Variants in PTPRD observed in about 807,000 individuals in gnomAD.
PTPRD encodes protein tyrosine phosphatase receptor type D.
A neutral mutation model predicts 214.5 loss-of-function variants in PTPRD; 34 were observed. The observed-to-expected ratio is 0.16, with a 90% CI of 0.12 to 0.21. The LOEUF (loss-of-function observed/expected upper bound fraction) is 0.21, where lower values mean the gene tolerates loss of function less well. Ranked by LOEUF, PTPRD falls within the 10% of genes least tolerant of loss-of-function variation. The probability of loss-of-function intolerance (pLI) is 1.00; values close to 1 mark genes in which losing one functional copy is unlikely to be tolerated. For synonymous variants in PTPRD, 1,128 were observed against 845.7 expected, an observed-to-expected ratio of 1.33 and a Z score of -5.79; for missense variants, 2,545 against 2,398.7, an observed-to-expected ratio of 1.06 and a Z score of -1.27.
At chr9:9,727,081 G>A (rs1213412955) in intron 7 of PTPRD, among the ~76,000 whole-genome samples, 3 of 152,160 alleles carry the variant, frequency 2.0e-5, no homozygotes, top group Non-Finnish European at 2.9e-5. Context: ...TACAGCAAAT[G>A]TGTGCTTAAT....
intron 2 of PTPRD, among the ~76,000 whole-genome samples, chr9:10,477,751 C>G (rs1335846292): frequency 6.6e-6 from 1 of 152,044 alleles, no homozygotes; most frequent in Non-Finnish European, 1.5e-5. Context: ...CAGTGATACA[C>G]TGGATAAAGA....
intron 11 of PTPRD, among the ~76,000 whole-genome samples, chr9:8,989,345 T>A (rs553537685): frequency 6.6e-6 from 1 of 152,098 alleles, no homozygotes; most frequent in Non-Finnish European, 1.5e-5. Flanking sequence ...CTTAACCAAT[T>A]TCTCTTCATT....
chr9:9,482,869 T>C (rs372412207), intron 8 of PTPRD, among the ~76,000 whole-genome samples: 2 of 152,192 alleles, frequency 1.3e-5, no homozygotes, highest in South Asian at 2.1e-4. Flanking sequence ...AAGTAATTGC[T>C]AAAGTTCTAG....
intron 2 of PTPRD, among the ~76,000 whole-genome samples, chr9:10,589,120 T>G (rs185555172): frequency 6.6e-6 from 1 of 152,010 alleles, no homozygotes; most frequent in Non-Finnish European, 1.5e-5. Flanking sequence ...TAGCTGTAGG[T>G]AAAGTTGAAA....
intron 9 of PTPRD, among the ~76,000 whole-genome samples, chr9:9,375,693 GA>G (rs1484660887): frequency 6.6e-6 from 1 of 152,074 alleles, no homozygotes; most frequent in Non-Finnish European, 1.5e-5. Flanking sequence ...AAATAAGTCA[GA>G]AAACAAAGAA....
At chr9:8,679,464 T>C (rs1371276107) in intron 12 of PTPRD, among the ~76,000 whole-genome samples, 1 of 152,202 alleles carries the variant, frequency 6.6e-6, no homozygotes, top group African/African-American at 2.4e-5. Context: ...CAGCAAAAGT[T>C]TCCTTTCACC....
At chr9:9,802,546 G>T (rs1019730208) in intron 5 of PTPRD, among the ~76,000 whole-genome samples, 4 of 151,776 alleles carry the variant, frequency 2.6e-5, no homozygotes, top group African/African-American at 7.3e-5. Context: ...TGGCTCTATA[G>T]ACTAGGGAAC....
At chr9:9,812,153 A>C (rs2047346115) in intron 5 of PTPRD, among the ~76,000 whole-genome samples, 1 of 152,072 alleles carries the variant, frequency 6.6e-6, no homozygotes, top group Non-Finnish European at 1.5e-5. Context: ...TTTTAGACAT[A>C]TGCTATTTCA....
chr9:9,327,093 A>G (rs1013907522), intron 9 of PTPRD, among the ~76,000 whole-genome samples: 2 of 152,186 alleles, frequency 1.3e-5, no homozygotes, highest in African/African-American at 4.8e-5. Context: ...GTTTAGCAAG[A>G]ACAATCATAT....
chr9:10,209,566 C>A (rs1462364152), intron 3 of PTPRD, among the ~76,000 whole-genome samples: 2 of 152,032 alleles, frequency 1.3e-5, no homozygotes. Context: ...GACAGTTGAT[C>A]CTTAGTCCCT....
At chr9:9,102,524 C>T (rs993826629) in intron 10 of PTPRD, among the ~76,000 whole-genome samples, 2 of 152,216 alleles carry the variant, frequency 1.3e-5, no homozygotes, top group Non-Finnish European at 2.9e-5. Context: ...CAGATTTGCT[C>T]CAAGAGCCTA....
chr9:8,893,944 T>TAA (rs34465186), intron 11 of PTPRD, among the ~76,000 whole-genome samples: 13 of 151,084 alleles, frequency 8.6e-5, no homozygotes, highest in East Asian at 3.9e-4. Context: ...TATGTGGAAG[T>TAA]AAAAAAAAAT....
At chr9:8,372,322 C>T (rs1909753) in intron 39 of PTPRD, among the ~76,000 whole-genome samples, 59,345 of 151,750 alleles carry the variant, frequency 0.39, 13,565 homozygotes, top group African/African-American at 0.61. Context: ...AAAAGGTACT[C>T]AGTAATGAAT....
At chr9:10,535,752 G>A (rs1218534629) in intron 2 of PTPRD, among the ~76,000 whole-genome samples, 3 of 152,116 alleles carry the variant, frequency 2.0e-5, no homozygotes, top group Non-Finnish European at 2.9e-5. Context: ...TCAGTCTCAT[G>A]AAACTGTGCA....
chr9:8,835,861 C>T (rs144110439), intron 11 of PTPRD, among the ~76,000 whole-genome samples: 1 of 152,232 alleles, frequency 6.6e-6, no homozygotes, highest in Non-Finnish European at 1.5e-5. Context: ...TAATACTCAC[C>T]ATTATGGATT....
intron 35 of PTPRD, among the ~76,000 whole-genome samples, chr9:8,428,157 T>C (rs752098453): frequency 2.1e-4 from 32 of 152,166 alleles, no homozygotes; most frequent in Non-Finnish European, 3.1e-4. Context: ...AACTGTGTCA[T>C]AATATTTATT....
At chr9:9,836,898 T>C (rs1199511649) in intron 5 of PTPRD, among the ~76,000 whole-genome samples, 2 of 152,218 alleles carry the variant, frequency 1.3e-5, no homozygotes, top group Non-Finnish European at 2.9e-5. Flanking sequence ...GATAAATTAA[T>C]AGATTATAAC....
At chr9:10,336,260 T>C (rs1264926938) in intron 3 of PTPRD, among the ~76,000 whole-genome samples, 1 of 151,656 alleles carries the variant, frequency 6.6e-6, no homozygotes, top group Non-Finnish European at 1.5e-5. Context: ...GAAAGAATAC[T>C]AAATAAGTGA....
rs981404495 is a variant in PTPRD, at chr9:8,887,270, A to G, written c.-104+131427T>C. 1.1e-4 allele frequency among the ~76,000 whole-genome samples: 16 copies of G among 152,176 alleles called. No individual in the cohort carries two copies. In the South Asian group the frequency reaches 2.7e-3, roughly 26 times the overall value. ...GAGACCTAGGTGGTTGAGACCCCCA[A>G]GACTGGTTTAAGGCCACTGTCAAAC... is the stretch of plus-strand genomic sequence containing the variant. On this transcript the variant is annotated intron_variant, in intron 11 of 45. Coordinates refer to ENST00000381196, the MANE Select transcript of PTPRD (RefSeq NM_002839.4).
Sources: gnomAD v4.1 joint callset for allele counts (sites outside exome capture counted in the v4.1 genomes callset) on GRCh38, gnomAD v4.1.1 for gene constraint, MANE v1.5 for transcripts, NCBI Gene and HGNC (gene_info 2026-07-23, HGNC 2026-07-21) for gene names.